Variants in LSM14B observed in about 807,000 individuals in gnomAD.
The protein encoded by LSM14B is protein LSM14 homolog B.
A neutral mutation model predicts 42.1 loss-of-function variants in LSM14B; 8 were observed. That is an observed-to-expected ratio of 0.19 (90% CI 0.11 to 0.34). The LOEUF is 0.34. LSM14B is among the 10% of genes least tolerant of loss of function. The probability of loss-of-function intolerance (pLI) is 1.00; values close to 1 mark genes in which losing one functional copy is unlikely to be tolerated. For synonymous variants in LSM14B, 219 were observed against 209.7 expected, an observed-to-expected ratio of 1.04 and a Z score of -0.38; for missense variants, 396 against 513.1, an observed-to-expected ratio of 0.77 and a Z score of 2.21.
intron 7 of LSM14B, among the ~76,000 whole-genome samples, chr20:62,132,168 C>T (rs910224951): frequency 4.6e-5 from 7 of 152,178 alleles, no homozygotes; most frequent in East Asian, 1.9e-4. Context: ...AACAGCATGT[C>T]GTGAAGGCCA....
At chr20:62,128,941 C>T in intron 3 of LSM14B, 1 of 1,303,778 alleles carries the variant, frequency 7.7e-7, no homozygotes, top group East Asian at 5.6e-5. Flanking sequence ...TTTTCTGTTT[C>T]AGATCTCTGT....
At chr20:62,128,874 G>C in intron 3 of LSM14B, 1 of 1,050,714 alleles carries the variant, frequency 9.5e-7, no homozygotes, top group Non-Finnish European at 1.3e-6. Context: ...GAGATGCCCA[G>C]TCTTCATGTG....
chr20:62,130,683 A>G lies in LSM14B; in HGVS notation c.827A>G (p.Asn276Ser). 1 of 1,613,502 alleles carries G rather than the reference A, an allele frequency of 6.2e-7. No individual in the cohort carries two copies. Among genetic ancestry groups the G allele is most frequent in the South Asian group, 1.1e-5 (1 of 91,064 alleles). The change falls in exon 6 of 9, where the codon AAT becomes AGT. Residue 276 changes from asparagine to serine, a missense_variant. This residue lies in a region of LSM14B where 118 missense variants were observed against 156.4 expected (regional missense o/e 0.75). Coordinates refer to ENST00000279068, the MANE Select transcript of LSM14B (RefSeq NM_144703.3). This position sits in a 1 kb window ranked among gnomAD's most constrained non-coding sequence, Gnocchi z 4.1. Reference protein sequence around the residue: ...ELDKEFKKKLNFKDDKAEKGE... With the variant: ...ELDKEFKKKLSFKDDKAEKGE... ...GACAAAGAATTTAAGAAGAAACTGAATTTTAAAGGTTTGGCTCATTATATG... is the reference window on the plus strand; with the variant it reads ...GACAAAGAATTTAAGAAGAAACTGAGTTTTAAAGGTTTGGCTCATTATATG...
chr20:62,133,866 T>C (rs2056836226), intron 8 of LSM14B, among the ~76,000 whole-genome samples: 1 of 152,230 alleles, frequency 6.6e-6, no homozygotes, highest in African/African-American at 2.4e-5. Flanking sequence ...CCCAGTGGAT[T>C]TGTGGGCACC....
intron 3 of LSM14B, chr20:62,127,888 C>T (rs754176392): frequency 3.8e-5 from 27 of 708,116 alleles, no homozygotes; most frequent in Non-Finnish European, 6.0e-5. Flanking sequence ...GAAGGGATTA[C>T]GAAGAATCAG....
At position 62,125,888 on chromosome 20, in the gene LSM14B, C is replaced by T. The variant is rs898837452; in HGVS notation, c.292-416C>T. ...CAGCTTGGCCAACATAGCAAAACCG[C>T]GTCTCTACCAAAAATACAAAAATTA... On this transcript the variant is annotated intron_variant, in intron 2 of 8. Coordinates refer to ENST00000279068, the MANE Select transcript of LSM14B (RefSeq NM_144703.3). Among the ~76,000 whole-genome samples the T allele has an allele frequency of 5.3e-5, 8 of 152,064 alleles. No homozygotes were observed. The East Asian group carries it at 5.8e-4, about 11-fold the overall frequency.
rs141029658 is a variant in LSM14B, at chr20:62,130,950, A to C, written c.835+259A>C. ...TCCCAGCTACTCGGGAGACTGAGAC[A>C]GGAGAATCGTTTGAACCCAGGAGGT... On this transcript the variant is annotated intron_variant, in intron 6 of 8. Transcript: ENST00000279068. This position sits in a 1 kb window ranked among gnomAD's most constrained non-coding sequence, Gnocchi z 4.1. Among the ~76,000 whole-genome samples, 78 of 152,322 alleles carry C rather than the reference A, an allele frequency of 5.1e-4. No homozygotes were observed. Among genetic ancestry groups the C allele is most frequent in the African/African-American group, 1.7e-3 (70 of 41,574 alleles).
intron 8 of LSM14B, 65 bp from the exon 9 acceptor site, chr20:62,134,098 C>T (rs922279901): frequency 2.9e-5 from 11 of 381,128 alleles, no homozygotes; most frequent in East Asian, 7.7e-5. Context: ...GGCTCCTGCT[C>T]GCCAGCAGGG....
chr20:62,123,934 C>T (rs926810808), intron 1 of LSM14B, among the ~76,000 whole-genome samples: 1 of 152,100 alleles, frequency 6.6e-6, no homozygotes, highest in Non-Finnish European at 1.5e-5. Flanking sequence ...CAGAGTAGGC[C>T]CAGGAGTTAG....
At chr20:62,129,145 G>C (rs1161284655) in intron 3 of LSM14B, 1 of 470,306 alleles carries the variant, frequency 2.1e-6, no homozygotes, top group African/African-American at 2.1e-5. Context: ...CTTGCCAAAG[G>C]CTACCTAGGA....
In LSM14B at chr20:62,130,496, C is replaced by G. The variant is rs1208716019; in HGVS notation, c.674-34C>G. Reference sequence around the variant, plus strand: ...TGTTTGAGATCACTGGGTTGGTGACCTACTTCAGCCAGGGCTGTCCTTTGT... The same window carrying G: ...TGTTTGAGATCACTGGGTTGGTGACGTACTTCAGCCAGGGCTGTCCTTTGT... On this transcript the variant is annotated intron_variant, in intron 5 of 8. Coordinates refer to ENST00000279068, the MANE Select transcript of LSM14B (RefSeq NM_144703.3). This position sits in a 1 kb window ranked among gnomAD's most constrained non-coding sequence, Gnocchi z 4.1. The G allele has an allele frequency of 1.0e-5, 16 of 1,607,270 alleles. No individual in the cohort carries two copies. The highest frequency in any genetic ancestry group is 1.3e-5 in the Non-Finnish European group (15 of 1,175,980).
At chr20:62,132,606 G>A (rs2056797971) in intron 7 of LSM14B, among the ~76,000 whole-genome samples, 1 of 152,204 alleles carries the variant, frequency 6.6e-6, no homozygotes, top group Non-Finnish European at 1.5e-5. Context: ...AGTCCAGAAT[G>A]ACTCCTAAGT....
intron 1 of LSM14B, among the ~76,000 whole-genome samples, chr20:62,123,815 C>T (rs182574527): frequency 9.1e-4 from 138 of 152,330 alleles, no homozygotes; most frequent in African/African-American, 3.0e-3. Context: ...AGCCCGTCTC[C>T]TGCGTGGCTT....
At chr20:62,129,455 C>T (rs2056699660) in intron 3 of LSM14B, among the ~76,000 whole-genome samples, 1 of 152,154 alleles carries the variant, frequency 6.6e-6, no homozygotes, top group African/African-American at 2.4e-5. Context: ...AAAGCTGTTT[C>T]CACACTTCTG....
At chr20:62,133,498 C>A in intron 8 of LSM14B, 23 bp downstream of exon 8, 3 of 1,599,808 alleles carry the variant, frequency 1.9e-6, no homozygotes, top group Admixed American at 1.8e-5. Context: ...ACCTTCTGGA[C>A]GCTTTGGTGG....
In LSM14B at chr20:62,130,626, G is replaced by A. The variant is rs2056739673; in HGVS notation, c.770G>A (p.Ser257Asn). ...TTTGAGGGTGACTTTGATTTCGAGA[G>A]TGCAAATGCCCAGTTCAACCGAGAG... Reference protein sequence around the residue: ...IKFEGDFDFESANAQFNREEL... With the variant: ...IKFEGDFDFENANAQFNREEL... The change falls in exon 6 of 9, where the codon AGT becomes AAT. Residue 257 changes from serine (S) to asparagine (N), a missense_variant. Ser to Asn is a conservative substitution (Grantham distance 46, BLOSUM62 1). This residue lies in a region of LSM14B where 4 missense variants were observed against 21.0 expected (regional missense o/e 0.19). Transcript: ENST00000279068. The surrounding 1 kb of genome is among the most constrained non-coding windows in gnomAD (Gnocchi z 4.1). 2 of 1,613,874 alleles carry A rather than the reference G, an allele frequency of 1.2e-6. No homozygotes were observed. The highest frequency in any genetic ancestry group is 1.3e-5 in the African/African-American group (1 of 74,938).
rs537868436 is a variant in LSM14B at position 62,130,716 on chromosome 20, T to C, written c.835+25T>C. 2 of 1,608,854 alleles carry C rather than the reference T, an allele frequency of 1.2e-6. No individual in the cohort carries two copies. The highest frequency in any genetic ancestry group is 1.3e-5 in the African/African-American group (1 of 74,882). ...GGTTTGGCTCATTATATGAAAATTA[T>C]TCTCTGCACAGGAGTACCCCTAGAG... On this transcript the variant is annotated intron_variant, in intron 6 of 8. Coordinates refer to ENST00000279068, the MANE Select transcript of LSM14B (RefSeq NM_144703.3). The surrounding 1 kb of genome is among the most constrained non-coding windows in gnomAD (Gnocchi z 4.1).
At position 62,122,905 on chromosome 20, in the gene LSM14B, A is replaced by G. The variant is rs1412965230; in HGVS notation, c.127+112A>G. On this transcript the variant is annotated intron_variant, in intron 1 of 8. Coordinates refer to ENST00000279068, the MANE Select transcript of LSM14B (RefSeq NM_144703.3). This position sits in a 1 kb window ranked among gnomAD's most constrained non-coding sequence, Gnocchi z 4.6. ...GGAGCCTGGCGCCCAGACCCCGCCC[A>G]GAACCCACCCAGGGCACACCCGGCC... 1.2e-5 allele frequency: 12 copies of G among 971,242 alleles called. No individual in the cohort carries two copies. The highest frequency in any genetic ancestry group is 1.3e-5 in the Non-Finnish European group (10 of 783,590). The allele number at this position is 971,242 out of a possible 1,614,324, so 60.2% of individuals were successfully genotyped here.
In LSM14B at chr20:62,126,333, C is replaced by T. The variant is rs11700042; in HGVS notation, c.321C>T (p.Pro107=). 1 of 1,613,856 alleles carries T rather than the reference C, an allele frequency of 6.2e-7. No individual in the cohort carries two copies. Among genetic ancestry groups the T allele is most frequent in the Non-Finnish European group, 8.5e-7 (1 of 1,179,904 alleles). ...QSSLGSASAS[P]FQPHVPYSPF... ...CCCTGGGTTCTGCCTCCGCCTCGCC[C>T]TTCCAGCCGCACGTGCCTTACAGCC... is the stretch of plus-strand genomic sequence containing the variant. Residue 107 remains proline (P), a synonymous_variant, in exon 3 of 9, where the codon CCC becomes CCT. Transcript: ENST00000279068.
Sources: gnomAD v4.1 joint callset for allele counts (sites outside exome capture counted in the v4.1 genomes callset) on GRCh38, gnomAD v4.1.1 for gene constraint, gnomAD v4.1.1 regional missense constraint, Gnocchi (gnomAD v3.1) non-coding constraint, MANE v1.5 for transcripts, NCBI Gene and HGNC (gene_info 2026-07-23, HGNC 2026-07-21) for gene names.